Variants in CLEC2A observed in about 807,000 individuals in gnomAD.
CLEC2A encodes C-type lectin domain family 2 member A.
CLEC2A carries 19 observed loss-of-function variants against 18.6 expected under a neutral mutation model. The ratio of observed to expected loss-of-function variants is 1.02; its 90% CI spans 0.71 to 1.50. The LOEUF is 1.50. Ranked by LOEUF, CLEC2A falls within the 40% of genes most tolerant of loss-of-function variation. The probability of loss-of-function intolerance (pLI) is 0.00; values close to 1 mark genes in which losing one functional copy is unlikely to be tolerated. For synonymous variants in CLEC2A, 74 were observed against 64.0 expected, an observed-to-expected ratio of 1.16 and a Z score of -0.75; for missense variants, 190 against 207.9, an observed-to-expected ratio of 0.91 and a Z score of 0.53.
chr12:9,898,034 G>A (rs1337494789), downstream of CLEC2A, among the ~76,000 whole-genome samples: 1 of 152,194 alleles, frequency 6.6e-6, no homozygotes, highest in African/African-American at 2.4e-5. Context: ...GTACTAAAAT[G>A]CTGTAAGCAT....
downstream of CLEC2A, among the ~76,000 whole-genome samples, chr12:9,913,053 T>C (rs1420310461): frequency 6.6e-6 from 1 of 152,152 alleles, no homozygotes; most frequent in Non-Finnish European, 1.5e-5. Flanking sequence ...TTATGAAGCA[T>C]CCAAATATGT....
At chr12:9,892,661 C>A in the CLEC2A span, among the ~76,000 whole-genome samples, 49 of 150,084 alleles carry the variant, frequency 3.3e-4, no homozygotes, top group Non-Finnish European at 6.4e-4. Context: ...CACGGCTCAC[C>A]GCAACCTCCA....
intron 4 of CLEC2A, among the ~76,000 whole-genome samples, chr12:9,899,198 A>G (rs186546915): frequency 7.9e-5 from 12 of 152,002 alleles, no homozygotes; most frequent in East Asian, 7.8e-4. Flanking sequence ...TCCTAAAACT[A>G]CTAGTTTAAC....
At position 9,926,276 on chromosome 12, in the gene CLEC2A, A is replaced by G; in HGVS notation, c.123T>C (p.Val41=). ...ACCACTCACCTATCATAATAATGCA[A>G]ACTGTAGTAATAATAATACTCAGGA... ...MCFLSIIITT[V]CIIMIATWSK... The change falls in exon 2 of 5, where the codon GTT becomes GTC. Residue 41 remains valine (V), a synonymous_variant. Coordinates refer to ENST00000455827, the MANE Select transcript of CLEC2A (RefSeq NM_001130711.2). The G allele has an allele frequency of 6.5e-7, 1 of 1,545,180 alleles. No homozygotes were observed. The highest frequency in any genetic ancestry group is 8.8e-7 in the Non-Finnish European group (1 of 1,141,260).
chr12:9,932,280 C>T lies in CLEC2A; in HGVS notation c.50G>A (p.Arg17Gln), dbSNP rs765956076. ...RDGRADGFIH[R>Q]IVPKLIQNWK... ...ATTCACTCTATAAAACTTACCTATCCGATGTATGAAGCCATCAGCTCTGCC... is the reference window on the plus strand; with the variant it reads ...ATTCACTCTATAAAACTTACCTATCTGATGTATGAAGCCATCAGCTCTGCC... The change falls in exon 1 of 5, where the codon CGG becomes CAG. Residue 17 changes from arginine to glutamine, a missense_variant. Coordinates refer to ENST00000455827, the MANE Select transcript of CLEC2A (RefSeq NM_001130711.2). 1.9e-6 allele frequency: 3 copies of T among 1,550,012 alleles called. No homozygotes were observed. Among genetic ancestry groups the T allele is most frequent in the Non-Finnish European group, 2.6e-6 (3 of 1,145,318 alleles).
At chr12:9,900,112 G>C (rs1169883676) in intron 4 of CLEC2A, among the ~76,000 whole-genome samples, 1 of 152,152 alleles carries the variant, frequency 6.6e-6, no homozygotes, top group Non-Finnish European at 1.5e-5. Context: ...GCTTGGCTTT[G>C]GTTAGCTCCC....
At chr12:9,927,542 A>G (rs1863295905) in intron 1 of CLEC2A, among the ~76,000 whole-genome samples, 1 of 152,220 alleles carries the variant, frequency 6.6e-6, no homozygotes, top group South Asian at 2.1e-4. Context: ...ATACATACAT[A>G]TATTTAAATA....
the CLEC2A span, among the ~76,000 whole-genome samples, chr12:9,884,646 A>G: frequency 6.7e-6 from 1 of 149,210 alleles, no homozygotes; most frequent in Non-Finnish European, 1.5e-5. Flanking sequence ...TATCATATAT[A>G]ATATGTATTT....
chr12:9,889,296 C>A, the CLEC2A span, among the ~76,000 whole-genome samples: 4 of 152,270 alleles, frequency 2.6e-5, no homozygotes, highest in South Asian at 8.3e-4. Flanking sequence ...TTTTCTGTGT[C>A]AACTTGGCTA....
chr12:9,902,429 C>A (rs1862844160), intron 4 of CLEC2A, among the ~76,000 whole-genome samples: 1 of 151,860 alleles, frequency 6.6e-6, no homozygotes, highest in Non-Finnish European at 1.5e-5. Context: ...AACGAGGTTT[C>A]ATCATGTTGG....
chr12:9,907,243 A>G (rs77206452), intron 4 of CLEC2A, among the ~76,000 whole-genome samples: 1,936 of 152,248 alleles, frequency 0.013, 50 homozygotes, highest in African/African-American at 0.044. Flanking sequence ...TGGTTTTTCT[A>G]GGGAGGGTAA....
chr12:9,890,242 A>G, the CLEC2A span, among the ~76,000 whole-genome samples: 1 of 152,198 alleles, frequency 6.6e-6, no homozygotes, highest in Non-Finnish European at 1.5e-5. Context: ...TTGATATATA[A>G]CAAATTACCA....
chr12:9,904,872 G>A (rs930338063), intron 4 of CLEC2A, among the ~76,000 whole-genome samples: 1 of 152,148 alleles, frequency 6.6e-6, no homozygotes, highest in African/African-American at 2.4e-5. Flanking sequence ...GCTGTCCACC[G>A]TCCATGTTGG....
At chr12:9,900,630 T>A (rs1228445775) in intron 4 of CLEC2A, among the ~76,000 whole-genome samples, 1 of 152,166 alleles carries the variant, frequency 6.6e-6, no homozygotes, top group Non-Finnish European at 1.5e-5. Flanking sequence ...CAAAACCCTG[T>A]GAGTTGGGTG....
Position 9,922,201 on chromosome 12 carries a change from TGCC to T in CLEC2A, c.168_170del (p.Ala57del), listed in dbSNP as rs1565534027. The stretch of plus-strand genomic sequence containing the variant: ...TCACTCCAAGCCAGTCCCCTGAACA[TGCC>T]ACAGGTTTAGCATGCTTGGACCATG... On this transcript the variant is annotated inframe_deletion, in exon 3 of 5. Coordinates refer to ENST00000455827, the MANE Select transcript of CLEC2A (RefSeq NM_001130711.2). The T allele has an allele frequency of 6.5e-7, 1 of 1,549,690 alleles. No individual in the cohort carries two copies. Among genetic ancestry groups the T allele is most frequent in the Non-Finnish European group, 8.7e-7 (1 of 1,146,060 alleles).
chr12:9,880,761 G>C, the CLEC2A span, among the ~76,000 whole-genome samples: 2 of 152,088 alleles, frequency 1.3e-5, no homozygotes, highest in East Asian at 1.9e-4. Context: ...AAGTCTTTTT[G>C]TTCTATTCAA....
chr12:9,881,621 C>T, the CLEC2A span: 450 of 1,535,016 alleles, frequency 2.9e-4, 1 homozygote, highest in Non-Finnish European at 3.6e-4. Flanking sequence ...GGGTATATGA[C>T]GCTGAGTTTC....
chr12:9,883,021 A>G, the CLEC2A span, among the ~76,000 whole-genome samples: 49 of 152,336 alleles, frequency 3.2e-4, no homozygotes, highest in African/African-American at 1.2e-3. Flanking sequence ...AAAATATAAG[A>G]TAATATCCAT....
chr12:9,881,727 A>G, the CLEC2A span: 1 of 1,170,088 alleles, frequency 8.5e-7, no homozygotes, highest in Non-Finnish European at 1.2e-6. Flanking sequence ...GAAGAGAATT[A>G]TCTTAGAATA....
Sources: gnomAD v4.1 joint callset for allele counts (sites outside exome capture counted in the v4.1 genomes callset) on GRCh38, gnomAD v4.1.1 for gene constraint, MANE v1.5 for transcripts, NCBI Gene and HGNC (gene_info 2026-07-23, HGNC 2026-07-21) for gene names.